MACROH2A1: variants seen among roughly 807,000 people sequenced by gnomAD.
The protein encoded by MACROH2A1 is core histone macro-H2A.1.
Under a neutral mutation model 31.6 loss-of-function variants are expected in MACROH2A1, and 2 were observed. The observed-to-expected ratio is 0.06, with a 90% confidence interval of 0.03 to 0.20. The LOEUF is 0.20. Among genes scored for constraint, MACROH2A1 ranks in the 10% least tolerant of loss-of-function variants. MACROH2A1 has a pLI of 1.00. For synonymous variants in MACROH2A1, 169 were observed against 189.6 expected (o/e 0.89, Z 0.89); for missense variants, 230 against 474.0 (o/e 0.49, Z 4.78).
At chr5:135,360,665 G>C (rs1198344143) in intron 4 of MACROH2A1, 58 bp from the exon 5 acceptor site, 2 of 1,209,140 alleles carry the variant, frequency 1.7e-6, no homozygotes, top group Non-Finnish European at 2.5e-6. Context: ...TCCTAATAGA[G>C]AGGCAGCTCC....
intron 4 of MACROH2A1, 89 bp from the exon 5 acceptor site, chr5:135,360,696 CA>C (rs1762732921): frequency 1.1e-6 from 1 of 893,258 alleles, no homozygotes; most frequent in African/African-American, 1.6e-5. Flanking sequence ...CCATAACACC[CA>C]AGGGGAAACA....
chr5:135,373,176 CCT>C (rs760217791), intron 2 of MACROH2A1, among the ~76,000 whole-genome samples: 1 of 152,146 alleles, frequency 6.6e-6, no homozygotes, highest in Non-Finnish European at 1.5e-5. Flanking sequence ...GAAGGCCCTC[CCT>C]GAGAGAAGGC....
At position 135,398,284 on chromosome 5, in the gene MACROH2A1, C is replaced by A. The variant is rs940265822; in HGVS notation, c.-34+778G>T. 7.2e-5 allele frequency among the ~76,000 whole-genome samples: 11 copies of A among 152,182 alleles called. No individual in the cohort carries two copies. The highest frequency in any genetic ancestry group is 3.3e-4 in the Admixed American group (5 of 15,290). On this transcript the variant is annotated intron_variant, in intron 1 of 8. Coordinates refer to ENST00000511689, the MANE Select transcript of MACROH2A1 (RefSeq NM_138610.3). This position sits in a 1 kb window ranked among gnomAD's most constrained non-coding sequence, Gnocchi z 4.6. ...CCTGCACACTCACCTCCCCACTCCA[C>A]CCCACCCCCAGCGAGGCTCTTTCCT... is the stretch of plus-strand genomic sequence containing the variant.
intron 1 of MACROH2A1, among the ~76,000 whole-genome samples, chr5:135,396,073 T>C (rs1031685285): frequency 1.6e-4 from 24 of 152,216 alleles, no homozygotes; most frequent in African/African-American, 5.8e-4. Context: ...ACCCATTCGG[T>C]GATGCGCTTC....
At chr5:135,390,562 C>T (rs866000191) in intron 1 of MACROH2A1, among the ~76,000 whole-genome samples, 2 of 152,206 alleles carry the variant, frequency 1.3e-5, no homozygotes, top group Non-Finnish European at 2.9e-5. Flanking sequence ...GGGCCTTGGC[C>T]TGTTCTGGGG....
intron 1 of MACROH2A1, among the ~76,000 whole-genome samples, chr5:135,391,350 G>C (rs1767209171): frequency 6.6e-6 from 1 of 152,146 alleles, no homozygotes; most frequent in Non-Finnish European, 1.5e-5. Context: ...TTTCCTACTA[G>C]AGCACAGACT....
At chr5:135,357,017 A>G (rs1762257345) in intron 5 of MACROH2A1, 1 of 152,162 alleles carries the variant, frequency 6.6e-6, no homozygotes, top group African/African-American at 2.4e-5. Context: ...GGGAAGGGCA[A>G]TGTCTTCCAT....
chr5:135,360,776 G>T (rs1762745745), intron 4 of MACROH2A1, 169 bp from the exon 5 acceptor site: 1 of 700,382 alleles, frequency 1.4e-6, no homozygotes. Flanking sequence ...TGAGGTACAA[G>T]AGTTCTGTGG....
chr5:135,377,622 G>T (rs952089114), intron 2 of MACROH2A1, among the ~76,000 whole-genome samples: 15 of 152,206 alleles, frequency 9.9e-5, no homozygotes, highest in Admixed American at 2.6e-4. Context: ...TTCGCCCACT[G>T]GGAGCAGAAT....
rs892343208 is a variant in MACROH2A1, at chr5:135,334,577, A to T, written c.*399T>A. 3 of 180,426 alleles carry T rather than the reference A, an allele frequency of 1.7e-5. No homozygotes were observed. The highest frequency in any genetic ancestry group is 7.1e-5 in the African/African-American group (3 of 41,988). 11.2% of individuals were successfully genotyped at this position (180,426 alleles called of 1,614,324 possible). A position where few individuals can be genotyped will look rare whatever the true frequency, so the allele number is the denominator to read the frequency against. ...GAAACCAAAAGAACATTAGAGTAAA[A>T]AGAACGCCACTGGAGGATGTACAAT... On this transcript the variant is annotated 3_prime_UTR_variant, in exon 9 of 9. Transcript: ENST00000511689.
At chr5:135,370,192 C>T in intron 2 of MACROH2A1, 50 bp from the exon 3 acceptor site, 1 of 1,166,798 alleles carries the variant, frequency 8.6e-7, no homozygotes, top group Non-Finnish European at 1.3e-6. Flanking sequence ...ACCATGTGTC[C>T]CCGCCCCGGT....
intron 2 of MACROH2A1, among the ~76,000 whole-genome samples, chr5:135,371,437 A>T (rs969414884): frequency 2.0e-5 from 3 of 152,258 alleles, no homozygotes; most frequent in African/African-American, 7.2e-5. Context: ...AAATGTATGC[A>T]AGAAAATAAA....
At chr5:135,355,931 A>C (rs1762121443) in intron 5 of MACROH2A1, 1 of 152,266 alleles carries the variant, frequency 6.6e-6, no homozygotes, top group Non-Finnish European at 1.5e-5. Context: ...GTCCATCTGA[A>C]GTACATGGCA....
At chr5:135,360,048 C>T (rs1479079818) in intron 5 of MACROH2A1, 1 of 296,480 alleles carries the variant, frequency 3.4e-6, no homozygotes, top group Non-Finnish European at 5.4e-6. Context: ...AGTCTGAAAA[C>T]AATCCCCTGT....
At chr5:135,367,628 C>A (rs1480947575) in intron 4 of MACROH2A1, among the ~76,000 whole-genome samples, 1 of 152,342 alleles carries the variant, frequency 6.6e-6, no homozygotes, top group East Asian at 1.9e-4. Flanking sequence ...ACACTGGCAT[C>A]TGAGAGACCC....
At chr5:135,375,148 A>T (rs1293796786) in intron 2 of MACROH2A1, among the ~76,000 whole-genome samples, 1 of 152,228 alleles carries the variant, frequency 6.6e-6, no homozygotes, top group African/African-American at 2.4e-5. Context: ...AAAACACATA[A>T]GCCTCTGGTT....
At chr5:135,360,409 G>T in intron 5 of MACROH2A1, 88 bp downstream of exon 5, 2 of 894,554 alleles carry the variant, frequency 2.2e-6, no homozygotes, top group Non-Finnish European at 3.7e-6. Flanking sequence ...AGTGGCCCCC[G>T]GGATCCCCCC....
At chr5:135,394,748 T>A (rs1478592823) in intron 1 of MACROH2A1, among the ~76,000 whole-genome samples, 1 of 152,202 alleles carries the variant, frequency 6.6e-6, no homozygotes, top group Non-Finnish European at 1.5e-5. Context: ...ATTGCCTATT[T>A]ACCTGTCTGT....
chr5:135,345,134 G>A (rs1269668420), intron 7 of MACROH2A1: 1 of 152,258 alleles, frequency 6.6e-6, no homozygotes, highest in Admixed American at 6.5e-5. Context: ...CAGAGCAGAG[G>A]TCAAAGGCAC....
Sources: allele counts gnomAD v4.1 joint callset (sites outside exome capture counted in the v4.1 genomes callset), GRCh38; gene constraint gnomAD v4.1.1; non-coding constraint Gnocchi (gnomAD v3.1); transcripts MANE v1.5; gene names NCBI Gene and HGNC (gene_info 2026-07-23, HGNC 2026-07-21).